Variants in XYLT1 observed in about 807,000 individuals in gnomAD.
XYLT1 encodes the protein beta-D-xylosyltransferase 1.
Under a neutral mutation model 91.3 loss-of-function variants are expected in XYLT1, and 36 were observed. The observed-to-expected ratio is 0.39, with a 90% CI of 0.30 to 0.52. The LOEUF is 0.52. Among genes scored for constraint, XYLT1 ranks in the 20% least tolerant of loss-of-function variants. XYLT1 has a pLI of 0.68. For missense variants in XYLT1, 1,242 were observed against 1,284.5 expected, an observed-to-expected ratio of 0.97 and a Z score of 0.51; for synonymous variants, 588 against 532.0, an observed-to-expected ratio of 1.11 and a Z score of -1.45.
chr16:17,444,515 T>TTA (rs1745749990), intron 1 of XYLT1, among the ~76,000 whole-genome samples: 1 of 149,386 alleles, frequency 6.7e-6, no homozygotes, highest in Non-Finnish European at 1.5e-5. Flanking sequence ...TCTTCTTCTT[T>TTA]TTTTTTTTTT....
chr16:17,365,528 C>T (rs763987872), intron 1 of XYLT1, among the ~76,000 whole-genome samples: 9 of 152,154 alleles, frequency 5.9e-5, no homozygotes, highest in Non-Finnish European at 1.3e-4. Flanking sequence ...GGGGAGAAAA[C>T]AGAAACCCCA....
chr16:17,231,149 C>G (rs1489238952), intron 3 of XYLT1, among the ~76,000 whole-genome samples: 1 of 152,230 alleles, frequency 6.6e-6, no homozygotes, highest in African/African-American at 2.4e-5. Context: ...CCTTGAAAGG[C>G]TCTGACAAGG....
At chr16:17,115,105 G>C (rs924834448) in intron 11 of XYLT1, among the ~76,000 whole-genome samples, 1 of 151,938 alleles carries the variant, frequency 6.6e-6, no homozygotes, top group African/African-American at 2.4e-5. Context: ...CGGCCTCCCA[G>C]TGTGCTGGGA....
intron 2 of XYLT1, among the ~76,000 whole-genome samples, chr16:17,316,792 C>G (rs2034639063): frequency 6.6e-6 from 1 of 151,092 alleles, no homozygotes; most frequent in Non-Finnish European, 1.5e-5. Flanking sequence ...ACCCTGTTAC[C>G]TGAAAGAGCT....
chr16:17,445,351 A>G (rs1339043891), intron 1 of XYLT1, among the ~76,000 whole-genome samples: 2 of 152,324 alleles, frequency 1.3e-5, no homozygotes, highest in South Asian at 2.1e-4. Context: ...CTCCATAAAT[A>G]TTAATATTTG....
At chr16:17,468,040 C>A (rs1247962765) in intron 1 of XYLT1, among the ~76,000 whole-genome samples, 1 of 152,190 alleles carries the variant, frequency 6.6e-6, no homozygotes, top group Middle Eastern at 3.2e-3. Flanking sequence ...CACATTTCAA[C>A]GGCCTCTATT....
At chr16:17,425,090 C>G (rs62030325) in intron 1 of XYLT1, among the ~76,000 whole-genome samples, 1 of 152,130 alleles carries the variant, frequency 6.6e-6, no homozygotes, top group African/African-American at 2.4e-5. Context: ...TCCCTGCAGT[C>G]TTGGGGACGG....
intron 1 of XYLT1, among the ~76,000 whole-genome samples, chr16:17,426,805 C>G (rs72783537): frequency 0.12 from 17,546 of 152,188 alleles, 1,412 homozygotes; most frequent in Admixed American, 0.22. Flanking sequence ...ATTCACAGAC[C>G]TCTCATATGA....
At chr16:17,328,209 G>A (rs2034841584) in intron 2 of XYLT1, among the ~76,000 whole-genome samples, 1 of 151,952 alleles carries the variant, frequency 6.6e-6, no homozygotes, top group Non-Finnish European at 1.5e-5. Flanking sequence ...TTATTTCTAG[G>A]GTTGAGAAGC....
chr16:17,216,292 T>A (rs1328208521), intron 3 of XYLT1, among the ~76,000 whole-genome samples: 1 of 152,190 alleles, frequency 6.6e-6, no homozygotes, highest in African/African-American at 2.4e-5. Flanking sequence ...ACAACTCTTA[T>A]TTACTTCTCA....
rs142337360 is a variant in XYLT1, at chr16:17,356,649, C to A, written c.402+1363G>T. Among the ~76,000 whole-genome samples the A allele has an allele frequency of 2.5e-4, 38 of 152,166 alleles. 1 individual carries two copies. The East Asian group carries it at 6.4e-3, about 26-fold the overall frequency. ...GGAGCAGGTGGTCTTTTCCAGTCCA[C>A]CCCAGAAACCCTTGAAATCGCTGAG... On this transcript the variant is annotated intron_variant, in intron 2 of 11. Coordinates refer to ENST00000261381, the MANE Select transcript of XYLT1 (RefSeq NM_022166.4).
chr16:17,372,360 G>T (rs987920011), intron 1 of XYLT1, among the ~76,000 whole-genome samples: 3 of 152,104 alleles, frequency 2.0e-5, no homozygotes, highest in Non-Finnish European at 4.4e-5. Context: ...CAAAAATTAA[G>T]GCTAATTAAG....
chr16:17,109,106 G>A, intron 11 of XYLT1, 89 bp from the exon 12 acceptor site: 5 of 1,301,284 alleles, frequency 3.8e-6, no homozygotes, highest in Non-Finnish European at 5.1e-6. Flanking sequence ...GCTGCACTGG[G>A]TGCCATGCAT....
intron 2 of XYLT1, among the ~76,000 whole-genome samples, chr16:17,340,560 G>A (rs1451341992): frequency 6.6e-6 from 1 of 152,236 alleles, no homozygotes; most frequent in Non-Finnish European, 1.5e-5. Context: ...CAGAATGGTA[G>A]TTAAGAGTTC....
intron 2 of XYLT1, among the ~76,000 whole-genome samples, chr16:17,286,610 A>G (rs1361891697): frequency 1.3e-5 from 2 of 152,188 alleles, no homozygotes; most frequent in African/African-American, 4.8e-5. Flanking sequence ...CATTACGTAT[A>G]TTAGCTTCTT....
intron 9 of XYLT1, among the ~76,000 whole-genome samples, chr16:17,128,408 A>G (rs567782989): frequency 6.6e-6 from 1 of 152,288 alleles, no homozygotes; most frequent in African/African-American, 2.4e-5. Context: ...AGTTAATACC[A>G]GATTTGATAG....
chr16:17,200,414 G>T, intron 4 of XYLT1, 68 bp downstream of exon 4: 2 of 1,557,968 alleles, frequency 1.3e-6, no homozygotes, highest in South Asian at 2.4e-5. Flanking sequence ...TGCAGAAGGA[G>T]GGTATCAGGG....
intron 5 of XYLT1, among the ~76,000 whole-genome samples, chr16:17,187,287 G>A (rs988510344): frequency 6.6e-6 from 1 of 151,226 alleles, no homozygotes; most frequent in Non-Finnish European, 1.5e-5. Context: ...CCAGCTACTC[G>A]GGAGGCTGAA....
chr16:17,117,084 C>A (rs776809018), intron 11 of XYLT1, among the ~76,000 whole-genome samples: 1 of 152,114 alleles, frequency 6.6e-6, no homozygotes, highest in Non-Finnish European at 1.5e-5. Flanking sequence ...CAGAAGCAGG[C>A]AACATGTACA....
Sources: allele counts gnomAD v4.1 joint callset (sites outside exome capture counted in the v4.1 genomes callset), GRCh38; gene constraint gnomAD v4.1.1; transcripts MANE v1.5; gene names NCBI Gene and HGNC (gene_info 2026-07-23, HGNC 2026-07-21).